The following HPCAL1 variants were observed in gnomAD, a reference collection of about 807,000 sequenced individuals.
HPCAL1 encodes hippocalcin-like protein 1.
A neutral mutation model predicts 17.1 loss-of-function variants in HPCAL1; 8 were observed. The ratio of observed to expected loss-of-function variants is 0.47; its 90% confidence interval spans 0.27 to 0.84. The LOEUF (loss-of-function observed/expected upper bound fraction) is 0.84, where lower values mean the gene tolerates loss of function less well. Ranked by LOEUF, HPCAL1 falls within the 40% of genes least tolerant of loss-of-function variation. The pLI is 0.13. For missense variants in HPCAL1, 165 were observed against 271.1 expected, an observed-to-expected ratio of 0.61 and a Z score of 2.75; for synonymous variants, 112 against 111.4, an observed-to-expected ratio of 1.01 and a Z score of -0.03.
intron 1 of HPCAL1, among the ~76,000 whole-genome samples, chr2:10,375,008 C>A (rs978787792): frequency 2.6e-5 from 4 of 152,148 alleles, no homozygotes. Context: ...AGGAGTAGGC[C>A]TTGGCAGAGA....
intron 1 of HPCAL1, among the ~76,000 whole-genome samples, chr2:10,361,260 CAG>C (rs34257751): frequency 0.59 from 86,589 of 146,082 alleles, 25,523 homozygotes; most frequent in South Asian, 0.63. Context: ...GGGTGGATCC[CAG>C]AGAGAGAGAG....
At chr2:10,364,391 A>T (rs994986580) in intron 1 of HPCAL1, among the ~76,000 whole-genome samples, 5 of 152,016 alleles carry the variant, frequency 3.3e-5, no homozygotes, top group African/African-American at 1.2e-4. Context: ...ATGACTGCCG[A>T]CATCAGGGAA....
chr2:10,378,378 C>A (rs975591281), intron 1 of HPCAL1, among the ~76,000 whole-genome samples: 1 of 151,932 alleles, frequency 6.6e-6, no homozygotes, highest in African/African-American at 2.4e-5. Flanking sequence ...GGGTGCTTGC[C>A]TCAGCTCTCA....
chr2:10,399,451 C>T (rs1572818297), intron 2 of HPCAL1, among the ~76,000 whole-genome samples: 37 of 106,432 alleles, frequency 3.5e-4, no homozygotes, highest in Non-Finnish European at 4.9e-4. Context: ...ATCACCATCA[C>T]CACCACCACC....
chr2:10,387,330 T>G (rs1668379153), intron 1 of HPCAL1, among the ~76,000 whole-genome samples: 1 of 152,160 alleles, frequency 6.6e-6, no homozygotes, highest in African/African-American at 2.4e-5. Flanking sequence ...GGAGGAAGGG[T>G]GACTGGCCGA....
chr2:10,378,161 T>C (rs1359581635), intron 1 of HPCAL1, among the ~76,000 whole-genome samples: 1 of 151,146 alleles, frequency 6.6e-6, no homozygotes, highest in Non-Finnish European at 1.5e-5. Flanking sequence ...TTCTCTGCCG[T>C]CTTGCAGAGT....
intron 1 of HPCAL1, among the ~76,000 whole-genome samples, chr2:10,345,973 A>G (rs1447411929): frequency 6.6e-6 from 1 of 152,154 alleles, no homozygotes; most frequent in Non-Finnish European, 1.5e-5. Flanking sequence ...CCAAACCAGG[A>G]AGAACAATTG....
At chr2:10,307,290 C>T (rs1486012196) in intron 1 of HPCAL1, among the ~76,000 whole-genome samples, 1 of 152,210 alleles carries the variant, frequency 6.6e-6, no homozygotes, top group Admixed American at 6.5e-5. Context: ...GATTTCGCCT[C>T]AGTACTCTCT....
intron 1 of HPCAL1, among the ~76,000 whole-genome samples, chr2:10,341,491 T>C (rs921393464): frequency 1.3e-5 from 2 of 151,420 alleles, no homozygotes; most frequent in African/African-American, 4.9e-5. Flanking sequence ...CACAAATGTA[T>C]GCATGGAGGT....
intron 1 of HPCAL1, among the ~76,000 whole-genome samples, chr2:10,311,679 A>G (rs564883389): frequency 7.9e-5 from 12 of 152,198 alleles, no homozygotes; most frequent in African/African-American, 2.9e-4. Flanking sequence ...ATCGCCAAGC[A>G]GTGTAAAGGG....
chr2:10,356,740 C>G (rs1422292096), intron 1 of HPCAL1, among the ~76,000 whole-genome samples: 2 of 152,108 alleles, frequency 1.3e-5, no homozygotes, highest in African/African-American at 2.4e-5. Context: ...CACCTGTGGG[C>G]TCCCGGGCCC....
At position 10,331,358 on chromosome 2, in the gene HPCAL1, C is replaced by T. The variant is rs1289194995; in HGVS notation, c.-111+28181C>T. Among the ~76,000 whole-genome samples, 2 of 150,782 alleles carry T rather than the reference C, an allele frequency of 1.3e-5. No individual in the cohort carries two copies. The highest frequency in any genetic ancestry group is 4.1e-4 in the South Asian group (2 of 4,824). On this transcript the variant is annotated intron_variant, in intron 1 of 4. Transcript: ENST00000307845. This position sits in a 1 kb window ranked among gnomAD's most constrained non-coding sequence, Gnocchi z 5.0. ...TCGCCACCTACGCATCGTCACCCCT[C>T]CTCCTGCGTTTCCTCCTGTCTCCCC...
intron 1 of HPCAL1, among the ~76,000 whole-genome samples, chr2:10,381,550 G>T (rs1024388232): frequency 1.2e-4 from 19 of 152,198 alleles, no homozygotes; most frequent in African/African-American, 4.8e-5. Context: ...GCAACTTGGG[G>T]TATCCTCCCT....
In HPCAL1 at chr2:10,310,020, G is replaced by C; in HGVS notation, c.-111+6843G>C. 6.6e-6 allele frequency among the ~76,000 whole-genome samples: 1 copy of C among 152,216 alleles called. No individual in the cohort carries two copies. Among genetic ancestry groups the C allele is most frequent in the East Asian group, 1.9e-4 (1 of 5,206 alleles). ...CCTTGGAAAGATCAGGGACACTGGG[G>C]TTTGAATTGTAGTCTTTGCTCTGTT... On this transcript the variant is annotated intron_variant, in intron 1 of 4. Transcript: ENST00000307845. The surrounding 1 kb of genome is among the most constrained non-coding windows in gnomAD (Gnocchi z 4.5).
chr2:10,421,213 T>A (rs1671043037), intron 3 of HPCAL1, among the ~76,000 whole-genome samples: 1 of 152,220 alleles, frequency 6.6e-6, no homozygotes, highest in Admixed American at 6.5e-5. Flanking sequence ...ATCACGAGAA[T>A]CAGCTCAGCA....
intron 1 of HPCAL1, among the ~76,000 whole-genome samples, chr2:10,358,264 T>C (rs1204050388): frequency 6.6e-6 from 1 of 152,242 alleles, no homozygotes; most frequent in African/African-American, 2.4e-5. Flanking sequence ...ATCAGTAGTG[T>C]CACAATCTCA....
chr2:10,397,094 G>T (rs1034470377), intron 2 of HPCAL1, among the ~76,000 whole-genome samples, 174 bp downstream of exon 2: 3 of 152,186 alleles, frequency 2.0e-5, no homozygotes, highest in Non-Finnish European at 4.4e-5. Flanking sequence ...CCCTAGACAG[G>T]TCAGGAAACT....
chr2:10,371,243 T>G (rs1249681021), intron 1 of HPCAL1, among the ~76,000 whole-genome samples: 1 of 152,136 alleles, frequency 6.6e-6, no homozygotes, highest in African/African-American at 2.4e-5. Flanking sequence ...GGAATGCCAG[T>G]GGGACTATAC....
chr2:10,419,696 C>A lies in HPCAL1; in HGVS notation c.-24-38C>A. On this transcript the variant is annotated intron_variant, in intron 2 of 4. Coordinates refer to ENST00000307845, the MANE Select transcript of HPCAL1 (RefSeq NM_002149.4). The surrounding 1 kb of genome is among the most constrained non-coding windows in gnomAD (Gnocchi z 5.0). Reference sequence around the variant, plus strand: ...CACATGGCTCAGCCCTGCTCCGTGGCCGTGGGTGGCGTCCCCGGCTGACCC... The same window carrying A: ...CACATGGCTCAGCCCTGCTCCGTGGACGTGGGTGGCGTCCCCGGCTGACCC... 6.4e-7 allele frequency: 1 copy of A among 1,558,104 alleles called. No individual in the cohort carries two copies. The highest frequency in any genetic ancestry group is 8.7e-7 in the Non-Finnish European group (1 of 1,153,112).
Sources: gnomAD v4.1 joint callset for allele counts (sites outside exome capture counted in the v4.1 genomes callset) on GRCh38, gnomAD v4.1.1 for gene constraint, Gnocchi (gnomAD v3.1) non-coding constraint, MANE v1.5 for transcripts, NCBI Gene and HGNC (gene_info 2026-07-23, HGNC 2026-07-21) for gene names.